SMAD2: variants seen among roughly 807,000 people sequenced by gnomAD.
The protein encoded by SMAD2 is MAD homolog 2.
In SMAD2, 8 loss-of-function variants were observed where a neutral mutation model predicts 64.4. The ratio of observed to expected loss-of-function variants is 0.12; its 90% CI spans 0.07 to 0.22. The LOEUF (loss-of-function observed/expected upper bound fraction) is 0.22. SMAD2 is among the 10% of genes least tolerant of loss of function. The pLI, the probability that SMAD2 is intolerant of heterozygous loss-of-function variation, is 1.00. For synonymous variants in SMAD2, 203 were observed against 195.8 expected (o/e 1.04, Z -0.31); for missense variants, 289 against 561.2 (o/e 0.51, Z 4.90).
intron 2 of SMAD2, among the ~76,000 whole-genome samples, chr18:47,879,495 CGTGTGTGTGTGTGTGTGT>C (rs58440360): frequency 1.4e-5 from 2 of 141,442 alleles, no homozygotes; most frequent in African/African-American, 5.1e-5. Flanking sequence ...ATGTATATGA[CGTGTGTGTGTGTGTGTGT>C]GTGTGTGTGT....
At chr18:47,872,512 T>C (rs561353967) in intron 2 of SMAD2, among the ~76,000 whole-genome samples, 2 of 152,228 alleles carry the variant, frequency 1.3e-5, no homozygotes, top group African/African-American at 4.8e-5. Flanking sequence ...ATGCATAATA[T>C]AGAGATGACT....
intron 1 of SMAD2, among the ~76,000 whole-genome samples, chr18:47,899,868 G>T (rs1019449003): frequency 6.6e-6 from 1 of 152,026 alleles, no homozygotes; most frequent in African/African-American, 2.4e-5. Flanking sequence ...TTCAATATTT[G>T]CAAAAAGTAA....
chr18:47,851,201 C>A, intron 7 of SMAD2, 73 bp downstream of exon 7: 1 of 1,056,578 alleles, frequency 9.5e-7, no homozygotes, highest in Non-Finnish European at 1.5e-6. Flanking sequence ...AAAAATAACT[C>A]CTAGAGATGA....
intron 1 of SMAD2, chr18:47,920,033 G>A (rs998521059): frequency 4.6e-5 from 7 of 152,208 alleles, no homozygotes; most frequent in Admixed American, 2.6e-4. Flanking sequence ...AAGTACTACA[G>A]ACTAGGTGGC....
At chr18:47,886,110 C>A (rs2032887835) in intron 2 of SMAD2, among the ~76,000 whole-genome samples, 1 of 152,190 alleles carries the variant, frequency 6.6e-6, no homozygotes, top group Non-Finnish European at 1.5e-5. Flanking sequence ...TTACATCAAC[C>A]ATAAAACAAT....
chr18:47,915,476 C>T (rs1332155833), intron 1 of SMAD2, among the ~76,000 whole-genome samples: 1 of 152,194 alleles, frequency 6.6e-6, no homozygotes, highest in Admixed American at 6.5e-5. Context: ...ATTTTCCTCT[C>T]TCACAACCTG....
intron 2 of SMAD2, among the ~76,000 whole-genome samples, chr18:47,876,955 G>A (rs1215420021): frequency 6.6e-6 from 1 of 152,014 alleles, no homozygotes; most frequent in African/African-American, 2.4e-5. Flanking sequence ...AAGAGAAGCA[G>A]TGAAAATTAA....
At chr18:47,880,520 G>A (rs2032524699) in intron 2 of SMAD2, among the ~76,000 whole-genome samples, 1 of 152,136 alleles carries the variant, frequency 6.6e-6, no homozygotes, top group Non-Finnish European at 1.5e-5. Flanking sequence ...ATGGCTTCAA[G>A]GTGAGTCTTG....
At chr18:47,868,515 CTT>C in intron 4 of SMAD2, 58 bp from the exon 5 acceptor site, 1 of 1,479,860 alleles carries the variant, frequency 6.8e-7, no homozygotes, top group Non-Finnish European at 9.4e-7. Context: ...GTGGGGGAAC[CTT>C]TTTTAAAGTT....
rs1250467696 is a variant in SMAD2 at position 47,834,671 on chromosome 18, T to C, written c.*7156A>G. The C allele has an allele frequency of 4.6e-6, 1 of 218,254 alleles. No homozygotes were observed. Among genetic ancestry groups the C allele is most frequent in the Non-Finnish European group, 9.2e-6 (1 of 108,888 alleles). The allele number at this position is 218,254 out of a possible 1,614,324, so 13.5% of individuals were successfully genotyped here. ...TTAAACGTGTTAACTTTAAGAAGAG[T>C]TGGTAGTAATCAAGCAAATTAGTGA... is the stretch of plus-strand genomic sequence containing the variant. On this transcript the variant is annotated 3_prime_UTR_variant, in exon 11 of 11. Coordinates refer to ENST00000262160, the MANE Select transcript of SMAD2 (RefSeq NM_005901.6).
rs374922566 is a variant in SMAD2, at chr18:47,903,402, G to T, written c.-53-6593C>A. 3.6e-4 allele frequency among the ~76,000 whole-genome samples: 54 copies of T among 152,084 alleles called. 1 individual carries two copies. The highest frequency in any genetic ancestry group is 2.3e-3 in the East Asian group (12 of 5,158). ...GGGAAAGAAAATAAGAATGACCAAG[G>T]AATTGACAGCTGAGCTATAGAGAAA... On this transcript the variant is annotated intron_variant, in intron 1 of 10. Transcript: ENST00000262160.
intron 2 of SMAD2, among the ~76,000 whole-genome samples, chr18:47,871,619 ACCTGTTCTGAAATTTT>A (rs1224009066): frequency 6.6e-6 from 1 of 152,134 alleles, no homozygotes; most frequent in African/African-American, 2.4e-5. Flanking sequence ...TCAAAACAAA[ACCTGTTCTGAAATTTT>A]CCAGCATCTC....
chr18:47,875,278 T>G (rs550973182), intron 2 of SMAD2, among the ~76,000 whole-genome samples: 2 of 152,262 alleles, frequency 1.3e-5, no homozygotes, highest in African/African-American at 4.8e-5. Flanking sequence ...AATCACCCAC[T>G]CTTCCTTAAA....
chr18:47,867,777 C>T (rs2031670807), intron 5 of SMAD2, among the ~76,000 whole-genome samples: 2 of 151,938 alleles, frequency 1.3e-5, no homozygotes, highest in South Asian at 2.1e-4. Context: ...ATTCAATTTT[C>T]ATCAGAAATT....
Position 47,814,604 on chromosome 18 carries a change from A to C in SMAD2, c.*27223T>G, listed in dbSNP as rs568835158. On this transcript the variant is annotated 3_prime_UTR_variant, in exon 11 of 11. Transcript: ENST00000262160. ...ACGGAAACTTCAGGATGGGTATGCG[A>C]GTCTTGGAGCAGCAGGGTTAGTCAA... The C allele has an allele frequency of 6.6e-6, 1 of 152,314 alleles. No homozygotes were observed. The highest frequency in any genetic ancestry group is 2.1e-4 in the South Asian group (1 of 4,830). The allele number at this position is 152,314 out of a possible 1,614,324, so 9.4% of individuals were successfully genotyped here. A position where few individuals can be genotyped will look rare whatever the true frequency, so the allele number is the denominator to read the frequency against.
chr18:47,902,609 T>C (rs961680842), intron 1 of SMAD2, among the ~76,000 whole-genome samples: 4 of 152,084 alleles, frequency 2.6e-5, no homozygotes, highest in Non-Finnish European at 5.9e-5. Flanking sequence ...CAGTTATGTA[T>C]TATCAGACTA....
intron 1 of SMAD2, among the ~76,000 whole-genome samples, chr18:47,915,610 A>T (rs2071521202): frequency 6.6e-6 from 1 of 152,226 alleles, no homozygotes; most frequent in Non-Finnish European, 1.5e-5. Context: ...TTTACATGCA[A>T]CCTAGTATAT....
rs1305452983 is a variant in SMAD2, at chr18:47,819,412, T to G, written c.*22415A>C. 1 of 152,206 alleles carries G rather than the reference T, an allele frequency of 6.6e-6. No homozygotes were observed. 9.4% of individuals were successfully genotyped at this position (152,206 alleles called of 1,614,324 possible). ...TTTTTATGGTTCTTAATTGAACACA[T>G]GATACTCACAGGTAATAAAAATGGT... is the stretch of plus-strand genomic sequence containing the variant. On this transcript the variant is annotated 3_prime_UTR_variant, in exon 11 of 11. Transcript: ENST00000262160.
chr18:47,930,299 C>A (rs937347843), intron 1 of SMAD2, 62 bp downstream of exon 1: 3 of 152,346 alleles, frequency 2.0e-5, no homozygotes, highest in African/African-American at 7.2e-5. Context: ...GGCCCATCGC[C>A]CCGGCCGCGG....
Sources: allele counts gnomAD v4.1 joint callset (sites outside exome capture counted in the v4.1 genomes callset), GRCh38; gene constraint gnomAD v4.1.1; transcripts MANE v1.5; gene names NCBI Gene and HGNC (gene_info 2026-07-23, HGNC 2026-07-21).